Variants in TMEM217B observed in about 807,000 individuals in gnomAD.
TMEM217B encodes the protein transmembrane protein 217B, also known as putative transmembrane protein 217B.
the TMEM217B span, chr6:37,218,654 A>C: frequency 6.2e-7 from 1 of 1,614,190 alleles, no homozygotes; most frequent in Non-Finnish European, 8.5e-7. Flanking sequence ...CCAGCGCATG[A>C]TTCTGACCTC....
chr6:37,239,097 A>G, the TMEM217B span, among the ~76,000 whole-genome samples: 8,345 of 152,280 alleles, frequency 0.055, 755 homozygotes, highest in African/African-American at 0.19. Flanking sequence ...ATGCCACTGC[A>G]CTCCAGCCTG....
At chr6:37,256,476 G>A in the TMEM217B span, among the ~76,000 whole-genome samples, 1 of 152,172 alleles carries the variant, frequency 6.6e-6, no homozygotes, top group Non-Finnish European at 1.5e-5. Context: ...TAAAAGAATA[G>A]AGGGGCTTTT....
At chr6:37,243,741 G>T in the TMEM217B span, among the ~76,000 whole-genome samples, 2 of 152,184 alleles carry the variant, frequency 1.3e-5, no homozygotes, top group African/African-American at 4.8e-5. Context: ...TGGGATTACA[G>T]GCATGCACCA....
chr6:37,233,717 C>A, the TMEM217B span, among the ~76,000 whole-genome samples: 1 of 152,194 alleles, frequency 6.6e-6, no homozygotes, highest in South Asian at 2.1e-4. Flanking sequence ...ACCATCACGT[C>A]TCCTTTGGAC....
the TMEM217B span, among the ~76,000 whole-genome samples, chr6:37,252,637 A>ATTTTTT: frequency 5.6e-5 from 4 of 71,358 alleles, no homozygotes; most frequent in Non-Finnish European, 8.4e-5. Context: ...ATATATATAT[A>ATTTTTT]TTTTTTTTTT....
At chr6:37,227,429 CT>C in the TMEM217B span, among the ~76,000 whole-genome samples, 2 of 152,086 alleles carry the variant, frequency 1.3e-5, no homozygotes, top group Non-Finnish European at 2.9e-5. Flanking sequence ...CTTGATTGCT[CT>C]AAGCGAAGGT....
chr6:37,238,167 G>GA, the TMEM217B span, among the ~76,000 whole-genome samples: 124,909 of 148,434 alleles, frequency 0.84, 52,765 homozygotes, highest in Middle Eastern at 0.92. Context: ...TAAAAACACT[G>GA]AAAAAAAAAA....
At chr6:37,255,848 A>G in the TMEM217B span, among the ~76,000 whole-genome samples, 3 of 152,118 alleles carry the variant, frequency 2.0e-5, no homozygotes, top group Admixed American at 2.0e-4. Context: ...AACAATCTCA[A>G]TTTCCCTATT....
At chr6:37,220,840 A>G in the TMEM217B span, among the ~76,000 whole-genome samples, 1 of 152,206 alleles carries the variant, frequency 6.6e-6, no homozygotes, top group African/African-American at 2.4e-5. Context: ...AACTGCAGTA[A>G]TATCTGATCA....
chr6:37,237,626 C>T, the TMEM217B span, among the ~76,000 whole-genome samples: 106 of 152,252 alleles, frequency 7.0e-4, no homozygotes, highest in African/African-American at 2.2e-3. Flanking sequence ...GTTATAGGCA[C>T]TTCAGTAAAG....
At chr6:37,213,848 C>G in the TMEM217B span, among the ~76,000 whole-genome samples, 1 of 152,226 alleles carries the variant, frequency 6.6e-6, no homozygotes. Context: ...GAGCAAACCT[C>G]TCTCCTCATC....
the TMEM217B span, among the ~76,000 whole-genome samples, chr6:37,246,081 C>G: frequency 6.6e-6 from 1 of 152,106 alleles, no homozygotes; most frequent in Non-Finnish European, 1.5e-5. Flanking sequence ...GGATTACAGG[C>G]GTGAGCCACT....
At chr6:37,244,543 T>C in the TMEM217B span, among the ~76,000 whole-genome samples, 1 of 152,230 alleles carries the variant, frequency 6.6e-6, no homozygotes, top group East Asian at 1.9e-4. Flanking sequence ...TCTAATTTAC[T>C]TTCAGTCTTT....
the TMEM217B span, among the ~76,000 whole-genome samples, chr6:37,235,166 C>CT: frequency 6.6e-6 from 1 of 152,024 alleles, no homozygotes; most frequent in Non-Finnish European, 1.5e-5. Flanking sequence ...TAGAACAAAG[C>CT]TTTTTTTACT....
chr6:37,219,730 T>A, the TMEM217B span, among the ~76,000 whole-genome samples: 2 of 150,690 alleles, frequency 1.3e-5, no homozygotes, highest in African/African-American at 4.9e-5. Context: ...AGACCCTATA[T>A]CCAAAAAAAA....
the TMEM217B span, among the ~76,000 whole-genome samples, chr6:37,249,708 T>A: frequency 3.3e-5 from 5 of 152,230 alleles, no homozygotes; most frequent in Admixed American, 3.3e-4. Flanking sequence ...TCCCTTAGGA[T>A]CTGACTTTGA....
the TMEM217B span, among the ~76,000 whole-genome samples, chr6:37,238,386 G>A: frequency 6.6e-6 from 1 of 152,150 alleles, no homozygotes; most frequent in African/African-American, 2.4e-5. Flanking sequence ...AAGCTGTGTT[G>A]TAGCAGACAC....
At chr6:37,257,268 T>C in the TMEM217B span, among the ~76,000 whole-genome samples, 2 of 152,174 alleles carry the variant, frequency 1.3e-5, no homozygotes, top group African/African-American at 4.8e-5. Flanking sequence ...TGATGAACCG[T>C]TGCTCACGTG....
At chr6:37,249,741 G>T in the TMEM217B span, among the ~76,000 whole-genome samples, 2 of 152,140 alleles carry the variant, frequency 1.3e-5, no homozygotes, top group Non-Finnish European at 2.9e-5. Context: ...CTCCAGTTTT[G>T]ATTTACTGGT....
Sources: allele counts gnomAD v4.1 joint callset (sites outside exome capture counted in the v4.1 genomes callset), GRCh38; gene constraint gnomAD v4.1.1; transcripts MANE v1.5; gene names NCBI Gene and HGNC (gene_info 2026-07-23, HGNC 2026-07-21).